TSPYL6: variants seen among roughly 807,000 people sequenced by gnomAD.
TSPYL6 encodes TSPY like 6.
For synonymous variants in TSPYL6, 259 were observed against 214.8 expected (o/e 1.21, Z -1.80); for missense variants, 699 against 531.5 (o/e 1.32, Z -3.10).
rs536750975 is a variant in TSPYL6 at position 54,255,616 on chromosome 2, G to A, written c.536C>T (p.Ala179Val). ...TGCCTCCCTGTTTACCTCATCTATT[G>A]CTCTGTTTTCTTCCGCCACGTCCAT... ...EEMDVAEENRAIDEVNREAGP... is the reference protein window; with the variant it reads ...EEMDVAEENRVIDEVNREAGP... The change falls in exon 1 of 1, where the codon GCA (alanine) becomes GTA (valine). Residue 179 changes from alanine (A) to valine (V), a missense_variant. Transcript: ENST00000317802. 26 of 1,613,446 alleles carry A rather than the reference G, an allele frequency of 1.6e-5. 1 individual carries two copies. In the East Asian group the frequency reaches 4.9e-4, roughly 30 times the overall value.
rs1687436935 is a variant in TSPYL6, at chr2:54,255,217, A to G, written c.935T>C (p.Val312Ala). 4 of 1,614,140 alleles carry G rather than the reference A, an allele frequency of 2.5e-6. No homozygotes were observed. In the African/African-American group the frequency reaches 4.0e-5, roughly 16 times the overall value. The change falls in exon 1 of 1, where the codon GTG becomes GCG. Residue 312 changes from valine to alanine, a missense_variant. Physicochemically the swap from Val to Ala is moderately conservative, Grantham distance 64. Transcript: ENST00000317802. ...TTGGCCGAAGGATCTGACCTCATAC[A>G]CCTTTACAATCAGCTTGTTTCTGAA... The part of the protein sequence containing the change: ...PYFRNKLIVK[V>A]YEVRSFGQVV...
chr2:54,255,656 G>C lies in TSPYL6; in HGVS notation c.496C>G (p.Pro166Ala). The change falls in exon 1 of 1, where the codon CCA becomes GCA. Residue 166 changes from proline (P) to alanine (A), a missense_variant. Transcript: ENST00000317802. ...GCCACGTCCATTTCTTCGCCTCCTG[G>C]CTTCTCATCCACTGGGGCTGAGAAC... ...AMFSAPVDEK[P>A]GGEEMDVAEE... The C allele has an allele frequency of 6.2e-7, 1 of 1,613,516 alleles. No individual in the cohort carries two copies. Among genetic ancestry groups the C allele is most frequent in the South Asian group, 1.1e-5 (1 of 91,072 alleles).
rs1269604573 is a variant in TSPYL6, at chr2:54,253,472, C to A, written c.*1447G>T. On this transcript the variant is annotated 3_prime_UTR_variant, in exon 1 of 1. Coordinates refer to ENST00000317802, the MANE Select transcript of TSPYL6 (RefSeq NM_001003937.3). ...GTATTAATCTTCCACATAAGTAAGG[C>A]CATATGCAAACAAGAAAGAGAACAC... The A allele has an allele frequency of 6.6e-6, 1 of 152,154 alleles. No homozygotes were observed. The highest frequency in any genetic ancestry group is 1.9e-4 in the East Asian group (1 of 5,190). The allele number at this position is 152,154 out of a possible 1,614,324, so 9.4% of individuals were successfully genotyped here. A position where few individuals can be genotyped will look rare whatever the true frequency, so the allele number is the denominator to read the frequency against.
chr2:54,255,123 G>A lies in TSPYL6; in HGVS notation c.1029C>T (p.Asn343=), dbSNP rs1687429999. The change falls in exon 1 of 1, where the codon AAC becomes AAT. Residue 343 remains asparagine (N), a synonymous_variant. Transcript: ENST00000317802. ...GHGPQSFIHR[N]RHVICSFFTW... ...TGAAGAAGCTGCAGATGACATGTCGGTTCCTATGAATGAAGGACTGGGGTC... is the reference window on the plus strand; with the variant it reads ...TGAAGAAGCTGCAGATGACATGTCGATTCCTATGAATGAAGGACTGGGGTC... 1 of 1,614,056 alleles carries A rather than the reference G, an allele frequency of 6.2e-7. No individual in the cohort carries two copies. The highest frequency in any genetic ancestry group is 1.3e-5 in the African/African-American group (1 of 74,920).
chr2:54,256,065 C>G lies in TSPYL6; in HGVS notation c.87G>C (p.Lys29Asn), dbSNP rs1419198572. 12 of 1,614,198 alleles carry G rather than the reference C, an allele frequency of 7.4e-6. No individual in the cohort carries two copies. Among genetic ancestry groups the G allele is most frequent in the Admixed American group, 1.7e-5 (1 of 60,026 alleles). ...DPHQGQRSRE[K>N]SKATEVMADM... ...CTGCCATTACCTCTGTCGCCTTGCT[C>G]TTTTCTCGGGACCTCTGGCCCTGGT... Residue 29 changes from lysine (K) to asparagine (N), a missense_variant, in exon 1 of 1, where the codon AAG (lysine) becomes AAC (asparagine). By Grantham distance (94) the Lys-to-Asn change is moderately conservative. Coordinates refer to ENST00000317802, the MANE Select transcript of TSPYL6 (RefSeq NM_001003937.3).
rs746640102 is a variant in TSPYL6 at position 54,255,402 on chromosome 2, G to A, written c.750C>T (p.Gly250=). The change falls in exon 1 of 1, where the codon GGC becomes GGT. Residue 250 remains glycine (G), a synonymous_variant. Transcript: ENST00000317802. The part of the protein sequence containing the change: ...QRNDIIRNIP[G]FWVTAFRHHP... ...GGTGGCGGAAAGCAGTGACCCAGAAGCCCGGGATATTGCGAATGATGTCAT... is the reference window on the plus strand; with the variant it reads ...GGTGGCGGAAAGCAGTGACCCAGAAACCCGGGATATTGCGAATGATGTCAT... The A allele has an allele frequency of 4.3e-6, 7 of 1,613,916 alleles. No homozygotes were observed. The highest frequency in any genetic ancestry group is 2.7e-5 in the African/African-American group (2 of 74,856).
rs182053943 is a variant in TSPYL6, at chr2:54,256,177, G to A, written c.-26C>T. 151 of 1,591,206 alleles carry A rather than the reference G, an allele frequency of 9.5e-5. 2 individuals are homozygous for A. Among genetic ancestry groups the A allele is most frequent in the African/African-American group, 6.2e-4 (46 of 74,410 alleles). The stretch of plus-strand genomic sequence containing the variant: ...GTTGGTAGCGGCCAGGGCAGCAGTG[G>A]GTAGAGGCCAGGCCAGAGGTAGGTA... On this transcript the variant is annotated 5_prime_UTR_variant, in exon 1 of 1. Transcript: ENST00000317802.
Position 54,255,913 on chromosome 2 carries a change from C to G in TSPYL6, c.239G>C (p.Ser80Thr). The G allele has an allele frequency of 6.2e-7, 1 of 1,614,142 alleles. No homozygotes were observed. Among genetic ancestry groups the G allele is most frequent in the Admixed American group, 1.7e-5 (1 of 60,032 alleles). The change falls in exon 1 of 1, where the codon AGT (serine) becomes ACT (threonine). Residue 80 changes from serine to threonine, a missense_variant. Physicochemically the swap from Ser to Thr is moderately conservative, Grantham distance 58 (BLOSUM62 1). Transcript: ENST00000317802. ...TFHILVDAGR[S>T]HGAIKAGQEV... The stretch of plus-strand genomic sequence containing the variant: ...CTGCCCCGCTTTGATGGCTCCATGA[C>G]TGCGACCCGCATCGACCAAGATGTG...
chr2:54,255,178 G>C lies in TSPYL6; in HGVS notation c.974C>G (p.Ser325Cys), dbSNP rs996457673. 2 of 1,614,022 alleles carry C rather than the reference G, an allele frequency of 1.2e-6. No homozygotes were observed. The highest frequency in any genetic ancestry group is 1.7e-6 in the Non-Finnish European group (2 of 1,180,044). Reference sequence around the variant, plus strand: ...GCCCCGGCGCCACATGATTAGAGTGGAAAAAGACACCACTTGGCCGAAGGA... The same window carrying C: ...GCCCCGGCGCCACATGATTAGAGTGCAAAAAGACACCACTTGGCCGAAGGA... ...VRSFGQVVSF[S>C]TLIMWRRGHG... The change falls in exon 1 of 1, where the codon TCC becomes TGC. Residue 325 changes from serine to cysteine, a missense_variant. Ser to Cys is a moderately radical substitution (Grantham distance 112). Transcript: ENST00000317802.
In TSPYL6 at chr2:54,256,092, C is replaced by T. The variant is rs201295084; in HGVS notation, c.60G>A (p.Pro20=). Residue 20 remains proline, a synonymous_variant, in exon 1 of 1, where the codon CCG becomes CCA. Coordinates refer to ENST00000317802, the MANE Select transcript of TSPYL6 (RefSeq NM_001003937.3). Reference sequence around the variant, plus strand: ...TTTCTCGGGACCTCTGGCCCTGGTGCGGGTCTTCCAGAGCATAGTCGAGAG... The same window carrying T: ...TTTCTCGGGACCTCTGGCCCTGGTGTGGGTCTTCCAGAGCATAGTCGAGAG... ...PATLDYALED[P]HQGQRSREKS... 1.6e-3 allele frequency: 2,653 copies of T among 1,614,094 alleles called. 10 individuals are homozygous for T. The highest frequency in any genetic ancestry group is 3.5e-3 in the South Asian group (315 of 91,074).
Position 54,256,165 on chromosome 2 carries a change from A to G in TSPYL6, c.-14T>C. ...CGGGAGGCTCATGTTGGTAGCGGCC[A>G]GGGCAGCAGTGGGTAGAGGCCAGGC... On this transcript the variant is annotated 5_prime_UTR_variant, in exon 1 of 1. Transcript: ENST00000317802. 1.2e-6 allele frequency: 2 copies of G among 1,602,812 alleles called. No individual in the cohort carries two copies. The highest frequency in any genetic ancestry group is 1.1e-5 in the South Asian group (1 of 89,042).
In TSPYL6 at chr2:54,255,391, G is replaced by C; in HGVS notation, c.761C>G (p.Thr254Ser). Reference sequence around the variant, plus strand: ...CAGCTGTGGGTGGTGGCGGAAAGCAGTGACCCAGAAGCCCGGGATATTGCG... The same window carrying C: ...CAGCTGTGGGTGGTGGCGGAAAGCACTGACCCAGAAGCCCGGGATATTGCG... ...IIRNIPGFWV[T>S]AFRHHPQLSA... Residue 254 changes from threonine (T) to serine (S), a missense_variant, in exon 1 of 1, where the codon ACT becomes AGT. Thr to Ser is a moderately conservative substitution (Grantham distance 58). Coordinates refer to ENST00000317802, the MANE Select transcript of TSPYL6 (RefSeq NM_001003937.3). 6.2e-7 allele frequency: 1 copy of C among 1,614,054 alleles called. No homozygotes were observed. Among genetic ancestry groups the C allele is most frequent in the Non-Finnish European group, 8.5e-7 (1 of 1,180,000 alleles).
chr2:54,253,340 C>CA lies in TSPYL6; in HGVS notation c.*1578dup, dbSNP rs1428912851. On this transcript the variant is annotated 3_prime_UTR_variant, in exon 1 of 1. Coordinates refer to ENST00000317802, the MANE Select transcript of TSPYL6 (RefSeq NM_001003937.3). ...TGAATATCCATATCCACATAATGTA[C>CA]AAAAAAGAAAGACTGATATTATTCC... 3 of 151,718 alleles carry CA rather than the reference C, an allele frequency of 2.0e-5. No homozygotes were observed. Among genetic ancestry groups the CA allele is most frequent in the African/African-American group, 2.4e-5 (1 of 41,304 alleles). 9.4% of individuals were successfully genotyped at this position (151,718 alleles called of 1,614,324 possible).
chr2:54,255,579 G>GGGCCCA lies in TSPYL6; in HGVS notation c.567_572dup (p.Gly194_Pro195dup), dbSNP rs751318047. 5.3e-5 allele frequency: 80 copies of GGGCCCA among 1,497,994 alleles called. No individual in the cohort carries two copies. Among genetic ancestry groups the GGGCCCA allele is most frequent in the Non-Finnish European group, 7.0e-5 (76 of 1,084,252 alleles). The allele number at this position is 1,497,994 out of a possible 1,614,324, so 92.8% of individuals were successfully genotyped here. On this transcript the variant is annotated inframe_insertion, in exon 1 of 1. Transcript: ENST00000317802. ...GACCCACGTTCAGGGGCCCGGGCCC[G>GGGCCCA]GGCCCAGGCCCTGCCTCCCTGTTTA...
chr2:54,255,702 C>T lies in TSPYL6; in HGVS notation c.450G>A (p.Val150=), dbSNP rs369616793. ...EVIAEGKAED[V]KPEECAMFSA... ...AGAACATGGCACACTCCTCAGGCTT[C>T]ACGTCCTCGGCCTTCCCCTCTGCAA... Residue 150 remains valine (V), a synonymous_variant, in exon 1 of 1, where the codon GTG becomes GTA. Coordinates refer to ENST00000317802, the MANE Select transcript of TSPYL6 (RefSeq NM_001003937.3). The T allele has an allele frequency of 6.2e-7, 1 of 1,613,976 alleles. No homozygotes were observed. The highest frequency in any genetic ancestry group is 8.5e-7 in the Non-Finnish European group (1 of 1,180,030).
In TSPYL6 at chr2:54,253,250, G is replaced by A. The variant is rs1264295580; in HGVS notation, c.*1669C>T. ...AGTCTTCCGCATCAGATAAGACCAA[G>A]TTATTCAAATTAAAATGTTAAAGAT... On this transcript the variant is annotated 3_prime_UTR_variant, in exon 1 of 1. Transcript: ENST00000317802. 2 of 152,134 alleles carry A rather than the reference G, an allele frequency of 1.3e-5. No homozygotes were observed. Among genetic ancestry groups the A allele is most frequent in the Admixed American group, 6.5e-5 (1 of 15,272 alleles). The allele number at this position is 152,134 out of a possible 1,614,324, so 9.4% of individuals were successfully genotyped here. A position where few individuals can be genotyped will look rare whatever the true frequency, so the allele number is the denominator to read the frequency against.
chr2:54,254,333 G>A lies in TSPYL6; in HGVS notation c.*586C>T, dbSNP rs1687379437. The A allele has an allele frequency of 6.6e-6, 1 of 152,572 alleles. No homozygotes were observed. The highest frequency in any genetic ancestry group is 2.4e-5 in the African/African-American group (1 of 41,460). 9.5% of individuals were successfully genotyped at this position (152,572 alleles called of 1,614,324 possible). ...CAGAGAGTGGAGCTGGCAATGGTCT[G>A]GGATATGTTCACTCAGCAGGGAGCT... On this transcript the variant is annotated 3_prime_UTR_variant, in exon 1 of 1. Coordinates refer to ENST00000317802, the MANE Select transcript of TSPYL6 (RefSeq NM_001003937.3).
In TSPYL6 at chr2:54,255,729, C is replaced by T. The variant is rs762306404; in HGVS notation, c.423G>A (p.Val141=). The T allele has an allele frequency of 1.1e-5, 18 of 1,613,888 alleles. No homozygotes were observed. The highest frequency in any genetic ancestry group is 1.4e-5 in the Non-Finnish European group (17 of 1,180,036). The part of the protein sequence containing the change: ...TCGAGRSESE[V]IAEGKAEDVK... ...CGTCCTCGGCCTTCCCCTCTGCAAT[C>T]ACTTCAGACTCCGACCTCCCTGCCC... is the stretch of plus-strand genomic sequence containing the variant. The change falls in exon 1 of 1, where the codon GTG becomes GTA. Residue 141 remains valine, a synonymous_variant. Transcript: ENST00000317802.
In TSPYL6 at chr2:54,253,924, G is replaced by A. The variant is rs1431393381; in HGVS notation, c.*995C>T. The A allele has an allele frequency of 6.7e-6, 1 of 150,342 alleles. No homozygotes were observed. The highest frequency in any genetic ancestry group is 2.5e-5 in the African/African-American group (1 of 40,580). 9.3% of individuals were successfully genotyped at this position (150,342 alleles called of 1,614,324 possible). The stretch of plus-strand genomic sequence containing the variant: ...AACTAAAAAGCCTGCTTCTGCGGAT[G>A]TTTCTGAACTACTACTTTTGTTTTT... On this transcript the variant is annotated 3_prime_UTR_variant, in exon 1 of 1. Coordinates refer to ENST00000317802, the MANE Select transcript of TSPYL6 (RefSeq NM_001003937.3).
Sources: gnomAD v4.1 joint callset for allele counts on GRCh38, gnomAD v4.1.1 for gene constraint, MANE v1.5 for transcripts, NCBI Gene and HGNC (gene_info 2026-07-23, HGNC 2026-07-21) for gene names.